GABRB1: variants seen among roughly 807,000 people sequenced by gnomAD.
GABRB1 encodes gamma-aminobutyric acid receptor subunit beta-1.
A neutral mutation model predicts 51.6 loss-of-function variants in GABRB1; 17 were observed. The ratio of observed to expected loss-of-function variants is 0.33; its 90% CI spans 0.23 to 0.49. The LOEUF (loss-of-function observed/expected upper bound fraction) is 0.49. Among genes scored for constraint, GABRB1 ranks in the 20% least tolerant of loss-of-function variants. The probability of loss-of-function intolerance (pLI) is 0.99; values close to 1 mark genes in which losing one functional copy is unlikely to be tolerated. For synonymous variants in GABRB1, 247 were observed against 218.9 expected, an observed-to-expected ratio of 1.13 and a Z score of -1.14; for missense variants, 410 against 600.6, an observed-to-expected ratio of 0.68 and a Z score of 3.32.
chr4:47,105,834 G>T (rs533945632), intron 3 of GABRB1, among the ~76,000 whole-genome samples: 1 of 152,042 alleles, frequency 6.6e-6, no homozygotes, highest in Non-Finnish European at 1.5e-5. Context: ...GTGAGTTAGT[G>T]TAAATTTCTC....
intron 3 of GABRB1, among the ~76,000 whole-genome samples, chr4:47,095,777 T>C (rs1050821413): frequency 6.6e-6 from 1 of 152,256 alleles, no homozygotes; most frequent in Non-Finnish European, 1.5e-5. Context: ...TCAATGTAGA[T>C]TTTTATTTCA....
intron 3 of GABRB1, among the ~76,000 whole-genome samples, chr4:47,152,021 A>AT (rs1403315366): frequency 1.3e-5 from 2 of 151,940 alleles, no homozygotes; most frequent in South Asian, 4.1e-4. Flanking sequence ...TAAAGAGTAA[A>AT]TTTTTTAACT....
chr4:47,143,685 T>C (rs912716065), intron 3 of GABRB1, among the ~76,000 whole-genome samples: 2 of 151,952 alleles, frequency 1.3e-5, no homozygotes, highest in African/African-American at 2.4e-5. Flanking sequence ...TATTCAAAAA[T>C]AATCTAACAT....
intron 5 of GABRB1, among the ~76,000 whole-genome samples, chr4:47,391,705 A>G (rs1172735670): frequency 6.6e-6 from 1 of 152,254 alleles, no homozygotes. Context: ...ATTAGGCTCA[A>G]GAATATACCA....
chr4:47,115,458 T>C (rs1290740779), intron 3 of GABRB1, among the ~76,000 whole-genome samples: 1 of 151,888 alleles, frequency 6.6e-6, no homozygotes, highest in Non-Finnish European at 1.5e-5. Context: ...AGTAATAATA[T>C]CTTGAGAAAT....
At chr4:47,178,957 A>G (rs1481224857) in intron 4 of GABRB1, among the ~76,000 whole-genome samples, 2 of 152,126 alleles carry the variant, frequency 1.3e-5, no homozygotes, top group African/African-American at 4.8e-5. Flanking sequence ...GGCTATAAAA[A>G]TAATGGGCCA....
chr4:47,095,308 A>G (rs1714357434), intron 3 of GABRB1, among the ~76,000 whole-genome samples: 1 of 151,986 alleles, frequency 6.6e-6, no homozygotes, highest in African/African-American at 2.4e-5. Flanking sequence ...CCTTTCAGAG[A>G]TGGCAAAACC....
At chr4:47,210,165 A>G (rs765056503) in intron 4 of GABRB1, among the ~76,000 whole-genome samples, 2 of 152,150 alleles carry the variant, frequency 1.3e-5, no homozygotes, top group Non-Finnish European at 2.9e-5. Context: ...AAGAATACCT[A>G]TTAATGGTAG....
At chr4:47,375,857 A>G (rs1194012604) in intron 5 of GABRB1, among the ~76,000 whole-genome samples, 1 of 152,184 alleles carries the variant, frequency 6.6e-6, no homozygotes, top group Non-Finnish European at 1.5e-5. Flanking sequence ...ATCAAGGATA[A>G]CTCCCAAAGG....
intron 4 of GABRB1, among the ~76,000 whole-genome samples, chr4:47,181,635 A>AT (rs2109770466): frequency 6.6e-6 from 1 of 152,142 alleles, no homozygotes; most frequent in South Asian, 2.1e-4. Flanking sequence ...TAGGGTTGTA[A>AT]GGGCAATAAT....
rs1179634893 is a variant in GABRB1, at chr4:47,373,887, G to A, written c.545-29431G>A. On this transcript the variant is annotated intron_variant, in intron 5 of 8. Coordinates refer to ENST00000295454, the MANE Select transcript of GABRB1 (RefSeq NM_000812.4). ...GGGGAGCTGTGAGGTAAGGTGTCAAGGAAGGTCTCTGTTTTTATTGCCTCT... is the reference window on the plus strand; with the variant it reads ...GGGGAGCTGTGAGGTAAGGTGTCAAAGAAGGTCTCTGTTTTTATTGCCTCT... 2.6e-5 allele frequency among the ~76,000 whole-genome samples: 4 copies of A among 152,296 alleles called. No individual in the cohort carries two copies. In the South Asian group the frequency reaches 8.3e-4, roughly 32 times the overall value.
At chr4:47,053,330 C>A (rs981446776) in intron 3 of GABRB1, among the ~76,000 whole-genome samples, 1 of 152,106 alleles carries the variant, frequency 6.6e-6, no homozygotes. Flanking sequence ...GATGAAGGCA[C>A]CAGCAGGTCT....
rs562979756 is a variant in GABRB1 at position 47,423,843 on chromosome 4, T to C, written c.1081-1831T>C. 1.4e-4 allele frequency among the ~76,000 whole-genome samples: 21 copies of C among 152,356 alleles called. No individual in the cohort carries two copies. The South Asian group carries it at 3.7e-3, about 27-fold the overall frequency. ...CTGAATTAGGATAACATATATGTCT[T>C]AGTGTTATTATAACTAAGGTAAATT... On this transcript the variant is annotated intron_variant, in intron 8 of 8. Coordinates refer to ENST00000295454, the MANE Select transcript of GABRB1 (RefSeq NM_000812.4).
chr4:47,365,880 G>C (rs1483648817), intron 5 of GABRB1, among the ~76,000 whole-genome samples: 1 of 152,080 alleles, frequency 6.6e-6, no homozygotes, highest in Admixed American at 6.6e-5. Flanking sequence ...TGGCTCCCTA[G>C]CTGTTGCCTG....
intron 4 of GABRB1, among the ~76,000 whole-genome samples, chr4:47,167,713 G>T (rs1416070950): frequency 2.0e-5 from 3 of 152,088 alleles, no homozygotes; most frequent in Non-Finnish European, 2.9e-5. Flanking sequence ...ATGGACTAAA[G>T]CTTTTCATGG....
chr4:47,300,682 A>G lies in GABRB1; in HGVS notation c.462-19445A>G, dbSNP rs142091967. ...GTAGGTGTATATATTTATGGGGTAC[A>G]TGAGATATTTTGATACAGGCACAAA... is the stretch of plus-strand genomic sequence containing the variant. On this transcript the variant is annotated intron_variant, in intron 4 of 8. Transcript: ENST00000295454. 3.5e-4 allele frequency among the ~76,000 whole-genome samples: 54 copies of G among 152,232 alleles called. 1 individual carries two copies. The highest frequency in any genetic ancestry group is 2.9e-4 in the Non-Finnish European group (20 of 67,994).
chr4:47,392,678 C>T (rs1417124418), intron 5 of GABRB1, among the ~76,000 whole-genome samples: 1 of 152,088 alleles, frequency 6.6e-6, no homozygotes, highest in African/African-American at 2.4e-5. Flanking sequence ...CTAGCTCTTC[C>T]TAGGGGAAGT....
intron 4 of GABRB1, among the ~76,000 whole-genome samples, chr4:47,285,638 G>A (rs531077590): frequency 1.7e-4 from 26 of 152,132 alleles, no homozygotes; most frequent in African/African-American, 6.3e-4. Context: ...GTATTAAATG[G>A]CATACATTCA....
At chr4:47,256,889 T>C (rs763771485) in intron 4 of GABRB1, among the ~76,000 whole-genome samples, 1 of 152,242 alleles carries the variant, frequency 6.6e-6, no homozygotes, top group Non-Finnish European at 1.5e-5. Context: ...GGTATTTTAC[T>C]TAATTCTCAC....
Sources: allele counts gnomAD v4.1 joint callset (sites outside exome capture counted in the v4.1 genomes callset), GRCh38; gene constraint gnomAD v4.1.1; transcripts MANE v1.5; gene names NCBI Gene and HGNC (gene_info 2026-07-23, HGNC 2026-07-21).